ATF7IP: variants seen among roughly 807,000 people sequenced by gnomAD.
ATF7IP encodes activating transcription factor 7-interacting protein 1.
In ATF7IP, 23 loss-of-function variants were observed where a neutral mutation model predicts 106.4. The ratio of observed to expected loss-of-function variants is 0.22; its 90% CI spans 0.16 to 0.31. The LOEUF is 0.31. ATF7IP is among the 10% of genes least tolerant of loss of function. The pLI is 1.00. For missense variants in ATF7IP, 1,334 were observed against 1,524.3 expected (o/e 0.88, Z 2.08); for synonymous variants, 542 against 539.0 (o/e 1.01, Z -0.08).
chr12:14,476,068 C>A, intron 11 of ATF7IP, 100 bp downstream of exon 11: 1 of 894,840 alleles, frequency 1.1e-6, no homozygotes, highest in Non-Finnish European at 1.8e-6. Flanking sequence ...TGGCATTATG[C>A]TTGGTTTATT....
chr12:14,441,396 T>C (rs1942688476), intron 5 of ATF7IP, among the ~76,000 whole-genome samples: 1 of 152,182 alleles, frequency 6.6e-6, no homozygotes, highest in African/African-American at 2.4e-5. Context: ...TAGAAATGTC[T>C]ATTAAAGTCC....
At chr12:14,369,870 G>C (rs1219573469) in intron 1 of ATF7IP, among the ~76,000 whole-genome samples, 1 of 151,300 alleles carries the variant, frequency 6.6e-6, no homozygotes. Context: ...TTAACCTGGG[G>C]TCCATTGTCC....
chr12:14,466,766 G>C (rs1412678274), intron 10 of ATF7IP, among the ~76,000 whole-genome samples, 176 bp downstream of exon 10: 1 of 151,954 alleles, frequency 6.6e-6, no homozygotes, highest in African/African-American at 2.4e-5. Flanking sequence ...TTTGTGTTTT[G>C]TCTTGTTTTG....
intron 1 of ATF7IP, among the ~76,000 whole-genome samples, chr12:14,380,080 AG>A (rs1938935960): frequency 6.6e-6 from 1 of 152,046 alleles, no homozygotes; most frequent in Non-Finnish European, 1.5e-5. Context: ...CTTTTTGCTA[AG>A]GTTGGTTTCT....
rs141607433 is a variant in ATF7IP at position 14,472,949 on chromosome 12, A to G, written c.2863-2941A>G. On this transcript the variant is annotated intron_variant, in intron 10 of 14. Coordinates refer to ENST00000261168, the MANE Select transcript of ATF7IP (RefSeq NM_018179.5). ...CAGCATTTTTATGTTTACTGTTTGCATGTTACTTTTTTCAGCTTTTTACTT... is the reference window on the plus strand; with the variant it reads ...CAGCATTTTTATGTTTACTGTTTGCGTGTTACTTTTTTCAGCTTTTTACTT... 2.6e-3 allele frequency among the ~76,000 whole-genome samples: 389 copies of G among 152,256 alleles called. 2 individuals carry two copies. The highest frequency in any genetic ancestry group is 9.0e-3 in the African/African-American group (372 of 41,558).
chr12:14,448,024 T>C (rs970234138), intron 6 of ATF7IP, among the ~76,000 whole-genome samples: 1 of 151,560 alleles, frequency 6.6e-6, no homozygotes, highest in African/African-American at 2.4e-5. Context: ...TATTGCATTA[T>C]AGTTTTTAGT....
At chr12:14,469,404 A>G (rs1943956369) in intron 10 of ATF7IP, among the ~76,000 whole-genome samples, 2 of 150,984 alleles carry the variant, frequency 1.3e-5, no homozygotes, top group Non-Finnish European at 1.5e-5. Flanking sequence ...TAGTGTGGAA[A>G]TGCTTGTGAG....
intron 12 of ATF7IP, among the ~76,000 whole-genome samples, chr12:14,480,797 C>A (rs1020499396): frequency 7.9e-5 from 12 of 152,098 alleles, no homozygotes; most frequent in African/African-American, 2.9e-4. Context: ...TGGAGATGTT[C>A]TTTTCCTCTG....
chr12:14,377,411 A>G (rs1225362234), intron 1 of ATF7IP, among the ~76,000 whole-genome samples: 2 of 149,510 alleles, frequency 1.3e-5, no homozygotes, highest in Non-Finnish European at 3.0e-5. Flanking sequence ...GCTGGAATGC[A>G]GTGGCAAGAT....
chr12:14,422,312 T>TACACACACACACAC (rs59503201), intron 1 of ATF7IP, among the ~76,000 whole-genome samples: 1 of 142,236 alleles, frequency 7.0e-6, no homozygotes, highest in African/African-American at 2.6e-5. Context: ...AAAAAGAGAA[T>TACACACACACACAC]ACACACACAC....
chr12:14,427,006 T>G (rs993602167), intron 2 of ATF7IP, among the ~76,000 whole-genome samples: 1 of 152,100 alleles, frequency 6.6e-6, no homozygotes, highest in African/African-American at 2.4e-5. Context: ...GTGAGTACAG[T>G]GATAATGTTA....
chr12:14,490,275 G>C (rs919630007), intron 13 of ATF7IP, among the ~76,000 whole-genome samples: 1 of 152,166 alleles, frequency 6.6e-6, no homozygotes, highest in Non-Finnish European at 1.5e-5. Flanking sequence ...CTCTGCTGAG[G>C]TTACCCATTG....
intron 12 of ATF7IP, among the ~76,000 whole-genome samples, 171 bp from the exon 13 acceptor site, chr12:14,480,832 T>C (rs1017953929): frequency 2.1e-4 from 32 of 152,232 alleles, no homozygotes; most frequent in African/African-American, 7.7e-4. Context: ...ATATTATTAA[T>C]GTTTATTGGC....
intron 2 of ATF7IP, among the ~76,000 whole-genome samples, chr12:14,428,153 C>T (rs1240374678): frequency 6.6e-6 from 1 of 151,764 alleles, no homozygotes; most frequent in Admixed American, 6.6e-5. Flanking sequence ...AAAAAAAAGT[C>T]TGTATAAGAA....
intron 2 of ATF7IP, among the ~76,000 whole-genome samples, chr12:14,427,035 G>A (rs1941890461): frequency 6.6e-6 from 1 of 152,060 alleles, no homozygotes; most frequent in South Asian, 2.1e-4. Context: ...TTCTGGGAGT[G>A]CAGATTAAGG....
rs373498244 is a variant in ATF7IP, at chr12:14,501,681, G to A, written c.*3608G>A. The A allele has an allele frequency of 2.6e-5, 4 of 152,230 alleles. No individual in the cohort carries two copies. In the East Asian group the frequency reaches 7.7e-4, roughly 29 times the overall value. 9.4% of individuals were successfully genotyped at this position (152,230 alleles called of 1,614,324 possible). A position where few individuals can be genotyped will look rare whatever the true frequency, so the allele number is the denominator to read the frequency against. ...TGAGATACCATTTGCCTCACAGAGAGGTGTTCCCCACTCCCATCCCCATTG... is the reference window on the plus strand; with the variant it reads ...TGAGATACCATTTGCCTCACAGAGAAGTGTTCCCCACTCCCATCCCCATTG... On this transcript the variant is annotated 3_prime_UTR_variant, in exon 15 of 15. Transcript: ENST00000261168.
chr12:14,386,418 A>G (rs1430950818), intron 1 of ATF7IP, among the ~76,000 whole-genome samples: 1 of 152,156 alleles, frequency 6.6e-6, no homozygotes, highest in Non-Finnish European at 1.5e-5. Context: ...AGCTGGTATA[A>G]TATACTCCTG....
chr12:14,466,544 C>T lies in ATF7IP; in HGVS notation c.2816C>T (p.Thr939Ile). 2 of 1,601,932 alleles carry T rather than the reference C, an allele frequency of 1.2e-6. No homozygotes were observed. The highest frequency in any genetic ancestry group is 1.8e-5 in the Admixed American group (1 of 56,986). Residue 939 changes from threonine to isoleucine, a missense_variant, in exon 10 of 15, where the codon ACA becomes ATA. Physicochemically the swap from Thr to Ile is moderately conservative, Grantham distance 89 (BLOSUM62 -1). Around this residue, in one of 10 missense-constraint regions of ATF7IP, gnomAD observed 370 missense variants for 401.2 expected, o/e 0.92. Transcript: ENST00000261168. ...TTTTCAGAAAACCAGACAAACAAAACAATAGATGCTTCTGTCAGTAAGAAA... is the reference window on the plus strand; with the variant it reads ...TTTTCAGAAAACCAGACAAACAAAATAATAGATGCTTCTGTCAGTAAGAAA... ...TPRIENQTNK[T>I]IDASVSKKAA... is the part of the protein sequence containing the mutation.
chr12:14,457,060 C>G (rs1943455269), intron 7 of ATF7IP, 147 bp from the exon 8 acceptor site: 1 of 675,876 alleles, frequency 1.5e-6, no homozygotes, highest in Non-Finnish European at 2.6e-6. Context: ...CCAGCTATGC[C>G]TCACTGTTTT....
Sources: allele counts gnomAD v4.1 joint callset (sites outside exome capture counted in the v4.1 genomes callset), GRCh38; gene constraint gnomAD v4.1.1; regional missense constraint gnomAD v4.1.1; transcripts MANE v1.5; gene names NCBI Gene and HGNC (gene_info 2026-07-23, HGNC 2026-07-21).